Variants in TCF12 observed in about 807,000 individuals in gnomAD.
TCF12 encodes the protein DNA-binding protein HTF4.
Under a neutral mutation model 86.0 loss-of-function variants are expected in TCF12, and 45 were observed. The ratio of observed to expected loss-of-function variants is 0.52; its 90% CI spans 0.41 to 0.67. TCF12 has a LOEUF of 0.67. Among genes scored for constraint, TCF12 ranks in the 30% least tolerant of loss-of-function variants. TCF12 has a pLI of 0.00. For synonymous variants in TCF12, 330 were observed against 299.6 expected, an observed-to-expected ratio of 1.10 and a Z score of -1.05; for missense variants, 881 against 859.9, an observed-to-expected ratio of 1.02 and a Z score of -0.31.
intron 4 of TCF12, among the ~76,000 whole-genome samples, chr15:57,080,558 G>A (rs565967556): frequency 1.2e-4 from 19 of 152,300 alleles, no homozygotes; most frequent in Admixed American, 6.5e-4. Context: ...ACTGCAGAAC[G>A]AATCACAGAG....
At chr15:57,063,845 T>G (rs771423040) in intron 4 of TCF12, 22 bp downstream of exon 4, 101 of 1,539,724 alleles carry the variant, frequency 6.6e-5, no homozygotes, top group Non-Finnish European at 8.6e-5. Context: ...GATCAACCCT[T>G]GATTAAAGCT....
At chr15:57,232,914 A>G (rs1450541709) in intron 11 of TCF12, 58 bp downstream of exon 11, 17 of 1,200,080 alleles carry the variant, frequency 1.4e-5, no homozygotes, top group South Asian at 4.4e-5. Flanking sequence ...AGTGACCCCG[A>G]TATCTTTATA....
At chr15:57,162,841 A>G (rs531710647) in intron 5 of TCF12, among the ~76,000 whole-genome samples, 1 of 151,402 alleles carries the variant, frequency 6.6e-6, no homozygotes, top group East Asian at 1.9e-4. Flanking sequence ...TTTTTTTTTT[A>G]AAGAGTTCTT....
intron 5 of TCF12, among the ~76,000 whole-genome samples, chr15:57,125,653 C>G (rs1019371527): frequency 3.9e-5 from 6 of 152,174 alleles, no homozygotes; most frequent in African/African-American, 1.4e-4. Context: ...AAGAAGTTTT[C>G]TCTTTACAGT....
chr15:57,063,435 C>T (rs2068611812), intron 3 of TCF12, among the ~76,000 whole-genome samples: 1 of 152,136 alleles, frequency 6.6e-6, no homozygotes, highest in South Asian at 2.1e-4. Context: ...TTTGGGGGTT[C>T]ATCTACTCCT....
intron 6 of TCF12, among the ~76,000 whole-genome samples, chr15:57,178,047 A>G (rs1318836005): frequency 6.6e-6 from 1 of 152,202 alleles, no homozygotes; most frequent in Non-Finnish European, 1.5e-5. Flanking sequence ...AACTTATTTC[A>G]GGAGAAAAGA....
intron 7 of TCF12, 148 bp downstream of exon 7, chr15:57,192,441 T>C (rs1196363505): frequency 1.7e-6 from 2 of 1,165,250 alleles, no homozygotes; most frequent in African/African-American, 1.5e-5. Flanking sequence ...CATGCAGGAA[T>C]GCAACAGCAC....
intron 19 of TCF12, among the ~76,000 whole-genome samples, chr15:57,281,493 T>TACGA (rs879693536): frequency 3.5e-4 from 53 of 152,320 alleles, no homozygotes; most frequent in Admixed American, 1.2e-3. Flanking sequence ...AGTGGCCTGT[T>TACGA]ACGAACGAAC....
chr15:57,091,747 C>G, intron 4 of TCF12, 42 bp from the exon 5 acceptor site: 1 of 1,487,764 alleles, frequency 6.7e-7, no homozygotes, highest in Non-Finnish European at 9.4e-7. Flanking sequence ...AGCGGGACTG[C>G]CAAATAATCT....
rs557524350 is a variant in TCF12 at position 57,153,966 on chromosome 15, C to T, written c.326-12436C>T. Among the ~76,000 whole-genome samples the T allele has an allele frequency of 4.0e-5, 6 of 150,826 alleles. No homozygotes were observed. The South Asian group carries it at 1.3e-3, about 32-fold the overall frequency. On this transcript the variant is annotated intron_variant, in intron 5 of 20. Coordinates refer to ENST00000333725, the MANE Select transcript of TCF12 (RefSeq NM_207037.2). Reference sequence around the variant, plus strand: ...GCTGTGATCACGCCATTGCATTCCACCCTGGGTGACAGAAGAAGACCCTGT... The same window carrying T: ...GCTGTGATCACGCCATTGCATTCCATCCTGGGTGACAGAAGAAGACCCTGT...
chr15:56,948,308 T>C (rs1281172973), intron 3 of TCF12, among the ~76,000 whole-genome samples: 1 of 151,638 alleles, frequency 6.6e-6, no homozygotes, highest in East Asian at 1.9e-4. Flanking sequence ...TGAAGTATTA[T>C]TTATTGCTAA....
At chr15:57,259,681 G>C (rs1433216102) in intron 16 of TCF12, among the ~76,000 whole-genome samples, 3 of 152,210 alleles carry the variant, frequency 2.0e-5, no homozygotes, top group Admixed American at 2.0e-4. Flanking sequence ...GCAGGCCTTG[G>C]GGTTTGCCTT....
intron 13 of TCF12, among the ~76,000 whole-genome samples, chr15:57,245,926 T>C (rs1303710279): frequency 6.6e-6 from 1 of 151,530 alleles, no homozygotes; most frequent in African/African-American, 2.4e-5. Flanking sequence ...GGTTCTTATC[T>C]ACACACACAC....
chr15:57,140,810 A>G (rs1187934530), intron 5 of TCF12, among the ~76,000 whole-genome samples: 1 of 152,204 alleles, frequency 6.6e-6, no homozygotes, highest in Admixed American at 6.5e-5. Context: ...ACCCAGGTCT[A>G]TCTTACTCTG....
intron 3 of TCF12, among the ~76,000 whole-genome samples, chr15:56,976,486 C>T (rs1033419996): frequency 2.0e-5 from 3 of 151,704 alleles, no homozygotes; most frequent in African/African-American, 2.4e-5. Flanking sequence ...ATCCGCCCGC[C>T]TCGGCCTCCC....
At chr15:57,133,908 TG>T (rs2052333704) in intron 5 of TCF12, among the ~76,000 whole-genome samples, 1 of 152,214 alleles carries the variant, frequency 6.6e-6, no homozygotes, top group Non-Finnish European at 1.5e-5. Flanking sequence ...AAGCAAAATC[TG>T]TTCTTTTTTG....
chr15:57,036,034 C>T (rs2066486808), intron 3 of TCF12, among the ~76,000 whole-genome samples: 1 of 150,728 alleles, frequency 6.6e-6, no homozygotes, highest in Non-Finnish European at 1.5e-5. Flanking sequence ...CAGTTTTATC[C>T]CAAAACCATC....
intron 12 of TCF12, among the ~76,000 whole-genome samples, chr15:57,237,625 C>G (rs1401438295): frequency 1.3e-5 from 2 of 152,170 alleles, no homozygotes; most frequent in Non-Finnish European, 2.9e-5. Flanking sequence ...GCTCTAGACT[C>G]TAAATCACTC....
chr15:57,219,066 G>T, intron 8 of TCF12: 1 of 1,053,690 alleles, frequency 9.5e-7, no homozygotes, highest in Non-Finnish European at 1.1e-6. Flanking sequence ...TGGTAACGCT[G>T]GAGGTGTAGC....
Sources: allele counts gnomAD v4.1 joint callset (sites outside exome capture counted in the v4.1 genomes callset), GRCh38; gene constraint gnomAD v4.1.1; transcripts MANE v1.5; gene names NCBI Gene and HGNC (gene_info 2026-07-23, HGNC 2026-07-21).